The following PARD3B variants were observed in gnomAD, a reference collection of about 807,000 sequenced individuals.
PARD3B encodes the protein partitioning defective 3 homolog B.
Under a neutral mutation model 130.2 loss-of-function variants are expected in PARD3B, and 103 were observed. The ratio of observed to expected loss-of-function variants is 0.79; its 90% CI spans 0.67 to 0.93. PARD3B has a LOEUF of 0.93. Ranked by LOEUF, PARD3B falls within the 40% of genes least tolerant of loss-of-function variation. The pLI, the probability that PARD3B is intolerant of heterozygous loss-of-function variation, is 0.00. For synonymous variants in PARD3B, 583 were observed against 553.2 expected, an observed-to-expected ratio of 1.05 and a Z score of -0.76; for missense variants, 1,609 against 1,499.2, an observed-to-expected ratio of 1.07 and a Z score of -1.21.
chr2:205,314,920 C>T (rs1279960877), intron 18 of PARD3B, among the ~76,000 whole-genome samples: 1 of 152,154 alleles, frequency 6.6e-6, no homozygotes, highest in Admixed American at 6.5e-5. Flanking sequence ...CCCATCTCCA[C>T]CCTTCCGTCA....
chr2:204,712,789 T>A (rs1373530426), intron 2 of PARD3B, among the ~76,000 whole-genome samples: 1 of 152,118 alleles, frequency 6.6e-6, no homozygotes, highest in Non-Finnish European at 1.5e-5. Context: ...CCTTTTAAAT[T>A]TCTATGTGCT....
Position 204,678,784 on chromosome 2 carries a change from A to G in PARD3B, c.121-7397A>G, listed in dbSNP as rs991648769. 2.0e-5 allele frequency among the ~76,000 whole-genome samples: 3 copies of G among 152,016 alleles called. No individual in the cohort carries two copies. Among genetic ancestry groups the G allele is most frequent in the African/African-American group, 7.2e-5 (3 of 41,394 alleles). On this transcript the variant is annotated intron_variant, in intron 1 of 22. Transcript: ENST00000406610. This position sits in a 1 kb window ranked among gnomAD's most constrained non-coding sequence, Gnocchi z 4.2. Reference sequence around the variant, plus strand: ...AAGTAGCATTTGAGCTGGAAAACGGATAACTGTTTTCATTTAGGGCTGCAG... The same window carrying G: ...AAGTAGCATTTGAGCTGGAAAACGGGTAACTGTTTTCATTTAGGGCTGCAG...
chr2:205,141,968 G>A (rs1416294242), intron 10 of PARD3B, among the ~76,000 whole-genome samples: 1 of 152,160 alleles, frequency 6.6e-6, no homozygotes, highest in Non-Finnish European at 1.5e-5. Context: ...TAAAAAATAT[G>A]TACCATACAC....
rs1189703753 is a variant in PARD3B, at chr2:205,325,981, C to A, written c.2630+24280C>A. On this transcript the variant is annotated intron_variant, in intron 18 of 22. Coordinates refer to ENST00000406610, the MANE Select transcript of PARD3B (RefSeq NM_001302769.2). This position sits in a 1 kb window ranked among gnomAD's most constrained non-coding sequence, Gnocchi z 4.1. ...GAATATCATGTACTGTTTTATCAAG[C>A]TTTAAATCTGAGGAAATGGAATCTG... Among the ~76,000 whole-genome samples the A allele has an allele frequency of 6.6e-6, 1 of 152,140 alleles. No individual in the cohort carries two copies. Among genetic ancestry groups the A allele is most frequent in the East Asian group, 1.9e-4 (1 of 5,182 alleles).
In PARD3B at chr2:204,996,340, G is replaced by A. The variant is rs1041320449; in HGVS notation, c.394+31017G>A. Among the ~76,000 whole-genome samples the A allele has an allele frequency of 1.5e-3, 234 of 152,018 alleles. 1 individual carries two copies. Among genetic ancestry groups the A allele is most frequent in the African/African-American group, 5.1e-3 (210 of 41,466 alleles). ...TGCAGGTCTGTTGGAATACCCTCCC[G>A]TGTGAGGTGTCAGTGTGCCCCTGCT... On this transcript the variant is annotated intron_variant, in intron 3 of 22. Transcript: ENST00000406610.
At chr2:205,090,051 A>G (rs150258431) in intron 4 of PARD3B, among the ~76,000 whole-genome samples, 1 of 152,296 alleles carries the variant, frequency 6.6e-6, no homozygotes, top group African/African-American at 2.4e-5. Context: ...CAGCTACAGA[A>G]TTATTTCCCT....
intron 11 of PARD3B, among the ~76,000 whole-genome samples, chr2:205,167,516 C>T (rs578161101): frequency 6.6e-6 from 1 of 152,262 alleles, no homozygotes; most frequent in Admixed American, 6.5e-5. Flanking sequence ...CTTTTAGAAA[C>T]ATGACTTGTA....
chr2:205,006,593 G>A (rs1048984045), intron 3 of PARD3B, among the ~76,000 whole-genome samples: 45 of 152,012 alleles, frequency 3.0e-4, no homozygotes, highest in Non-Finnish European at 5.9e-5. Context: ...TATGTTTATT[G>A]GCTGTTTGTA....
At chr2:205,574,367 G>T (rs1016381770) in intron 22 of PARD3B, among the ~76,000 whole-genome samples, 1 of 152,194 alleles carries the variant, frequency 6.6e-6, no homozygotes, top group Non-Finnish European at 1.5e-5. Flanking sequence ...ATGGTTTCAG[G>T]AAGAGATTTC....
intron 15 of PARD3B, among the ~76,000 whole-genome samples, chr2:205,217,822 G>C (rs12623938): frequency 1.6e-5 from 1 of 61,522 alleles, no homozygotes; most frequent in African/African-American, 7.4e-5. Flanking sequence ...ATATGTATAT[G>C]TGTGTGTATA....
At chr2:205,261,500 TG>T (rs1369712464) in intron 16 of PARD3B, among the ~76,000 whole-genome samples, 4 of 152,292 alleles carry the variant, frequency 2.6e-5, no homozygotes, top group Non-Finnish European at 4.4e-5. Flanking sequence ...TTTATTTCAC[TG>T]GATCTCTTTT....
chr2:204,647,149 T>G (rs1175152086), intron 1 of PARD3B, among the ~76,000 whole-genome samples: 2 of 151,886 alleles, frequency 1.3e-5, no homozygotes, highest in African/African-American at 4.8e-5. Flanking sequence ...GCTATTTCAA[T>G]GGGTGTTCAG....
At chr2:205,541,742 C>T (rs2052149341) in intron 21 of PARD3B, among the ~76,000 whole-genome samples, 1 of 152,068 alleles carries the variant, frequency 6.6e-6, no homozygotes, top group South Asian at 2.1e-4. Flanking sequence ...TTCATTCATT[C>T]AGTCAATCAG....
intron 22 of PARD3B, among the ~76,000 whole-genome samples, chr2:205,599,686 T>C (rs892972638): frequency 6.6e-6 from 1 of 152,182 alleles, no homozygotes; most frequent in African/African-American, 2.4e-5. Context: ...CCTGGATTTT[T>C]CAGGCCAACA....
chr2:205,245,883 G>A (rs1056606976), intron 16 of PARD3B, 61 bp downstream of exon 16: 2 of 1,407,450 alleles, frequency 1.4e-6, no homozygotes, highest in African/African-American at 2.8e-5. Context: ...CTGTGTTTTA[G>A]TAGCAGTTGG....
intron 2 of PARD3B, among the ~76,000 whole-genome samples, chr2:204,773,328 C>T (rs1209944636): frequency 1.3e-5 from 2 of 151,654 alleles, no homozygotes; most frequent in African/African-American, 4.8e-5. Context: ...GTTTACAAAA[C>T]ATTTTTGCAA....
chr2:204,545,932 A>T lies in PARD3B; in HGVS notation c.-68A>T. On this transcript the variant is annotated 5_prime_UTR_variant, in exon 1 of 23. Coordinates refer to ENST00000406610, the MANE Select transcript of PARD3B (RefSeq NM_001302769.2). ...CCACCCGCCCCGGGCGTCCTCCGAG[A>T]GTGGGGGCTGCGCCCGCGGGGTCAG... 1 of 1,442,634 alleles carries T rather than the reference A, an allele frequency of 6.9e-7. No homozygotes were observed. Among genetic ancestry groups the T allele is most frequent in the Non-Finnish European group, 9.1e-7 (1 of 1,098,790 alleles). 89.4% of individuals were successfully genotyped at this position (1,442,634 alleles called of 1,614,324 possible).
intron 2 of PARD3B, among the ~76,000 whole-genome samples, chr2:204,854,741 T>C (rs1559201144): frequency 6.6e-6 from 1 of 151,988 alleles, no homozygotes; most frequent in Non-Finnish European, 1.5e-5. Flanking sequence ...ATTAGCAAAA[T>C]ATGAATATTA....
intron 1 of PARD3B, among the ~76,000 whole-genome samples, chr2:204,684,500 A>G (rs1335233837): frequency 2.0e-5 from 3 of 152,220 alleles, no homozygotes; most frequent in Non-Finnish European, 4.4e-5. Context: ...TGCTTGCGGC[A>G]TGGCCATAAC....
Sources: allele counts gnomAD v4.1 joint callset (sites outside exome capture counted in the v4.1 genomes callset), GRCh38; gene constraint gnomAD v4.1.1; non-coding constraint Gnocchi (gnomAD v3.1); transcripts MANE v1.5; gene names NCBI Gene and HGNC (gene_info 2026-07-23, HGNC 2026-07-21).